OTUD7A: variants seen among roughly 807,000 people sequenced by gnomAD.
OTUD7A encodes OTU deubiquitinase 7A.
A neutral mutation model predicts 65.7 loss-of-function variants in OTUD7A; 12 were observed. The observed-to-expected ratio is 0.18, with a 90% CI of 0.12 to 0.30. The LOEUF is 0.30. OTUD7A is among the 10% of genes least tolerant of loss of function. The pLI, the probability that OTUD7A is intolerant of heterozygous loss-of-function variation, is 1.00. For missense variants in OTUD7A, 1,148 were observed against 1,304.8 expected (o/e 0.88, Z 1.85); for synonymous variants, 641 against 586.3 (o/e 1.09, Z -1.35).
chr15:31,539,441 T>C (rs1329916826), intron 5 of OTUD7A, among the ~76,000 whole-genome samples: 1 of 152,164 alleles, frequency 6.6e-6, no homozygotes, highest in East Asian at 1.9e-4. Flanking sequence ...AACAATGAGA[T>C]ATGACCATTG....
chr15:31,612,598 G>A (rs546042250), intron 3 of OTUD7A, among the ~76,000 whole-genome samples: 1 of 152,184 alleles, frequency 6.6e-6, no homozygotes, highest in South Asian at 2.1e-4. Context: ...GGAGGAGAAA[G>A]ACCTCTACAA....
At chr15:31,803,780 A>G (rs1356410111) in intron 1 of OTUD7A, among the ~76,000 whole-genome samples, 2 of 152,264 alleles carry the variant, frequency 1.3e-5, no homozygotes. Flanking sequence ...AGTGACCTCC[A>G]GAGCAAACAA....
At chr15:31,533,234 ATTTTTTT>A (rs71110888) in intron 5 of OTUD7A, among the ~76,000 whole-genome samples, 1 of 135,856 alleles carries the variant, frequency 7.4e-6, no homozygotes, top group African/African-American at 2.9e-5. Context: ...AGCAGGATAA[ATTTTTTT>A]TTTTTTTTTT....
chr15:31,685,139 G>A (rs1486222002), intron 1 of OTUD7A, among the ~76,000 whole-genome samples: 1 of 152,238 alleles, frequency 6.6e-6, no homozygotes, highest in Non-Finnish European at 1.5e-5. Context: ...AAGCTCTTGA[G>A]CAGTGTGACA....
chr15:31,642,606 T>C (rs1317353812), intron 3 of OTUD7A, among the ~76,000 whole-genome samples: 1 of 152,056 alleles, frequency 6.6e-6, no homozygotes, highest in African/African-American at 2.4e-5. Flanking sequence ...TTTTCTTGCA[T>C]AGGCTTTGGT....
intron 1 of OTUD7A, among the ~76,000 whole-genome samples, chr15:31,771,861 C>T (rs8040321): frequency 0.99 from 150,394 of 152,244 alleles, 74,316 homozygotes; most frequent in East Asian, 1. Flanking sequence ...ACTTGTAGTG[C>T]TCATCCATGT....
chr15:31,724,884 GA>G (rs200495479), intron 1 of OTUD7A, among the ~76,000 whole-genome samples: 7 of 152,092 alleles, frequency 4.6e-5, no homozygotes, highest in African/African-American at 7.2e-5. Flanking sequence ...TAAGTCAAGA[GA>G]GGGGCAGGGG....
intron 3 of OTUD7A, among the ~76,000 whole-genome samples, chr15:31,608,153 A>G (rs1266640029): frequency 6.6e-6 from 1 of 152,166 alleles, no homozygotes; most frequent in Admixed American, 6.5e-5. Flanking sequence ...AGGCTGAGGC[A>G]GGAGAATCGC....
At chr15:31,686,826 G>C (rs1892847772) in intron 1 of OTUD7A, among the ~76,000 whole-genome samples, 1 of 152,206 alleles carries the variant, frequency 6.6e-6, no homozygotes, top group Non-Finnish European at 1.5e-5. Context: ...AGGACACAGA[G>C]CGGTCTTCTC....
chr15:31,629,063 T>A (rs1891056397), intron 3 of OTUD7A, among the ~76,000 whole-genome samples: 1 of 152,076 alleles, frequency 6.6e-6, no homozygotes, highest in African/African-American at 2.4e-5. Context: ...CTTCCTCTTT[T>A]CCTAATTGAA....
At chr15:31,812,373 T>C (rs1278037043) in intron 1 of OTUD7A, among the ~76,000 whole-genome samples, 1 of 152,194 alleles carries the variant, frequency 6.6e-6, no homozygotes. Flanking sequence ...TTAGCCACCC[T>C]GAGGTAATTT....
intron 1 of OTUD7A, among the ~76,000 whole-genome samples, chr15:31,859,588 G>C (rs1026277570): frequency 2.6e-5 from 4 of 152,190 alleles, no homozygotes; most frequent in Non-Finnish European, 5.9e-5. Flanking sequence ...TATATAAGAA[G>C]AGAAGAGGAA....
At chr15:31,796,354 T>C (rs1245763008) in intron 1 of OTUD7A, among the ~76,000 whole-genome samples, 1 of 152,146 alleles carries the variant, frequency 6.6e-6, no homozygotes, top group Non-Finnish European at 1.5e-5. Flanking sequence ...AGGGAAGAAA[T>C]GATACTGCAG....
chr15:31,634,517 C>T (rs1343911878), intron 3 of OTUD7A, among the ~76,000 whole-genome samples: 6 of 152,220 alleles, frequency 3.9e-5, no homozygotes, highest in Non-Finnish European at 8.8e-5. Context: ...GTTCTCCACC[C>T]GTCTCCACCC....
intron 3 of OTUD7A, among the ~76,000 whole-genome samples, chr15:31,582,464 C>T (rs1014478387): frequency 6.6e-6 from 1 of 152,168 alleles, no homozygotes; most frequent in African/African-American, 2.4e-5. Flanking sequence ...TAAAGACATA[C>T]CAGAGACTGG....
intron 1 of OTUD7A, among the ~76,000 whole-genome samples, chr15:31,779,385 C>G (rs1255907639): frequency 6.6e-6 from 1 of 152,198 alleles, no homozygotes; most frequent in African/African-American, 2.4e-5. Flanking sequence ...TGCTTTTTAT[C>G]CACATTTTTA....
chr15:31,609,514 T>C (rs1890334900), intron 3 of OTUD7A, among the ~76,000 whole-genome samples: 1 of 151,812 alleles, frequency 6.6e-6, no homozygotes, highest in Non-Finnish European at 1.5e-5. Flanking sequence ...GGAACACAAC[T>C]CCATTGACCT....
intron 3 of OTUD7A, among the ~76,000 whole-genome samples, chr15:31,571,190 A>G (rs1889043947): frequency 6.6e-6 from 1 of 152,176 alleles, no homozygotes; most frequent in Admixed American, 6.5e-5. Context: ...ACATACAACT[A>G]TTATGTATCC....
At chr15:31,615,268 A>G (rs1253650929) in intron 3 of OTUD7A, among the ~76,000 whole-genome samples, 1 of 152,216 alleles carries the variant, frequency 6.6e-6, no homozygotes, top group Non-Finnish European at 1.5e-5. Context: ...AAAGGTTGAA[A>G]GTAGAATGAT....
Sources: allele counts gnomAD v4.1 joint callset (sites outside exome capture counted in the v4.1 genomes callset), GRCh38; gene constraint gnomAD v4.1.1; transcripts MANE v1.5; gene names NCBI Gene and HGNC (gene_info 2026-07-23, HGNC 2026-07-21).